Variants in G2E3 observed in about 807,000 individuals in gnomAD.
G2E3 encodes G2/M-phase specific E3 ubiquitin protein ligase, also known as G2/M phase-specific E3 ubiquitin-protein ligase.
A neutral mutation model predicts 92.8 loss-of-function variants in G2E3; 35 were observed. The ratio of observed to expected loss-of-function variants is 0.38; its 90% CI spans 0.29 to 0.50. The LOEUF is 0.50. G2E3 is among the 20% of genes least tolerant of loss of function. The pLI, the probability that G2E3 is intolerant of heterozygous loss-of-function variation, is 0.94. For synonymous variants in G2E3, 242 were observed against 272.4 expected (o/e 0.89, Z 1.10); for missense variants, 554 against 823.8 (o/e 0.67, Z 4.01).
chr14:30,572,706 T>G (rs1879838988), intron 1 of G2E3, among the ~76,000 whole-genome samples: 1 of 152,166 alleles, frequency 6.6e-6, no homozygotes, highest in East Asian at 1.9e-4. Context: ...TAAATCCAGT[T>G]AAGATATATT....
intron 3 of G2E3, among the ~76,000 whole-genome samples, 174 bp from the exon 4 acceptor site, chr14:30,589,209 A>G (rs1037810393): frequency 7.2e-5 from 11 of 152,094 alleles, no homozygotes; most frequent in African/African-American, 2.7e-4. Context: ...TCTAAATCAA[A>G]CAATGTAAGT....
intron 2 of G2E3, among the ~76,000 whole-genome samples, chr14:30,581,451 A>AG: frequency 6.6e-6 from 1 of 152,242 alleles, no homozygotes; most frequent in Non-Finnish European, 1.5e-5. Context: ...TCACGCCTGC[A>AG]ATTCCAGCAC....
intron 10 of G2E3, among the ~76,000 whole-genome samples, chr14:30,604,335 G>T (rs1370466279): frequency 6.6e-6 from 1 of 152,248 alleles, no homozygotes; most frequent in African/African-American, 2.4e-5. Context: ...GCACTGTAAC[G>T]TCTTGGGGTG....
intron 3 of G2E3, 93 bp from the exon 4 acceptor site, chr14:30,589,290 G>C (rs572547938): frequency 5.9e-5 from 42 of 711,468 alleles, no homozygotes; most frequent in Non-Finnish European, 9.7e-5. Context: ...TTTTATGTCT[G>C]TTTTTTATTA....
rs576506179 is a variant in G2E3, at chr14:30,565,180, C to A, written c.-5+5908C>A. 2.9e-4 allele frequency among the ~76,000 whole-genome samples: 44 copies of A among 152,206 alleles called. No homozygotes were observed. In the South Asian group the frequency reaches 5.0e-3, roughly 17 times the overall value. Reference sequence around the variant, plus strand: ...TTATTATTATAGCTATTATAGTGGACATGAAGTGGTGTCTCATTGTGGCTT... The same window carrying A: ...TTATTATTATAGCTATTATAGTGGAAATGAAGTGGTGTCTCATTGTGGCTT... On this transcript the variant is annotated intron_variant, in intron 1 of 14. Transcript: ENST00000206595.
At chr14:30,565,361 A>G (rs1879365537) in intron 1 of G2E3, among the ~76,000 whole-genome samples, 1 of 152,102 alleles carries the variant, frequency 6.6e-6, no homozygotes, top group Non-Finnish European at 1.5e-5. Flanking sequence ...AATGTATTCT[A>G]GATACTAGAC....
intron 1 of G2E3, among the ~76,000 whole-genome samples, chr14:30,576,662 G>T (rs1371423828): frequency 6.6e-6 from 1 of 152,134 alleles, no homozygotes; most frequent in Non-Finnish European, 1.5e-5. Context: ...CTGAATCAGA[G>T]AAATTAATTC....
At chr14:30,585,379 A>C (rs959069710) in intron 2 of G2E3, among the ~76,000 whole-genome samples, 3 of 152,126 alleles carry the variant, frequency 2.0e-5, no homozygotes, top group African/African-American at 7.2e-5. Flanking sequence ...GCATGTAAGG[A>C]GCTAATTGTC....
chr14:30,577,400 A>G (rs866991355), intron 1 of G2E3, among the ~76,000 whole-genome samples: 3 of 152,266 alleles, frequency 2.0e-5, no homozygotes, highest in South Asian at 4.1e-4. Flanking sequence ...AACAATAAAC[A>G]TTTAATTACT....
At chr14:30,585,821 G>C (rs935520230) in intron 2 of G2E3, among the ~76,000 whole-genome samples, 1 of 151,660 alleles carries the variant, frequency 6.6e-6, no homozygotes, top group African/African-American at 2.4e-5. Flanking sequence ...TTTAACATAG[G>C]CTTGCATGAG....
chr14:30,572,116 A>C (rs1188216629), intron 1 of G2E3, among the ~76,000 whole-genome samples: 2 of 152,010 alleles, frequency 1.3e-5, no homozygotes, highest in African/African-American at 4.8e-5. Flanking sequence ...TCTTTTACTA[A>C]GTTTTTACCT....
At position 30,601,898 on chromosome 14, in the gene G2E3, A is replaced by G; in HGVS notation, c.877+4A>G. On this transcript the variant is annotated splice_donor_region_variant and intron_variant, in intron 9 of 14. Coordinates refer to ENST00000206595, the MANE Select transcript of G2E3 (RefSeq NM_017769.5). ...AGGGGTATTATCTACAATTCAGGTA[A>G]TTTTTTTGTAATTTTGAATAAAGTT... 6.2e-7 allele frequency: 1 copy of G among 1,611,754 alleles called. No homozygotes were observed. Among genetic ancestry groups the G allele is most frequent in the Non-Finnish European group, 8.5e-7 (1 of 1,178,882 alleles).
intron 2 of G2E3, among the ~76,000 whole-genome samples, chr14:30,584,956 C>T (rs748404047): frequency 1.5e-4 from 22 of 151,528 alleles, no homozygotes; most frequent in African/African-American, 3.6e-4. Context: ...CTCAGCCTCC[C>T]GAGTAGCTGG....
At chr14:30,594,708 T>G (rs913767194) in intron 6 of G2E3, among the ~76,000 whole-genome samples, 2 of 151,242 alleles carry the variant, frequency 1.3e-5, no homozygotes, top group Admixed American at 6.6e-5. Flanking sequence ...AAAAAAGATG[T>G]AAATTCTCTT....
chr14:30,581,343 A>C (rs567903992), intron 2 of G2E3, among the ~76,000 whole-genome samples: 1 of 147,364 alleles, frequency 6.8e-6, no homozygotes, highest in East Asian at 1.9e-4. Flanking sequence ...TTCGTATCTC[A>C]ATAAAACAGT....
At chr14:30,585,255 G>A (rs1218567786) in intron 2 of G2E3, among the ~76,000 whole-genome samples, 1 of 152,108 alleles carries the variant, frequency 6.6e-6, no homozygotes, top group East Asian at 1.9e-4. Flanking sequence ...CAAATCCAAA[G>A]TCACACAGAT....
At chr14:30,590,331 TC>T (rs146347278) in intron 4 of G2E3, among the ~76,000 whole-genome samples, 2,868 of 152,220 alleles carry the variant, frequency 0.019, 95 homozygotes, top group African/African-American at 0.065. Flanking sequence ...GACTTTGTTT[TC>T]CACAGATGCC....
At chr14:30,589,933 A>G (rs1880911761) in intron 4 of G2E3, among the ~76,000 whole-genome samples, 1 of 152,060 alleles carries the variant, frequency 6.6e-6, no homozygotes, top group African/African-American at 2.4e-5. Context: ...CAGACTGGCA[A>G]TTCATGATCT....
chr14:30,607,114 ATCTCTAAG>A (rs1477628687), intron 11 of G2E3, among the ~76,000 whole-genome samples: 1 of 152,158 alleles, frequency 6.6e-6, no homozygotes, highest in African/African-American at 2.4e-5. Flanking sequence ...ATTATAGTAC[ATCTCTAAG>A]TTAGTCTAAA....
Sources: gnomAD v4.1 joint callset for allele counts (sites outside exome capture counted in the v4.1 genomes callset) on GRCh38, gnomAD v4.1.1 for gene constraint, MANE v1.5 for transcripts, NCBI Gene and HGNC (gene_info 2026-07-23, HGNC 2026-07-21) for gene names.